The following CRNKL1 variants were observed in gnomAD, a reference collection of about 807,000 sequenced individuals.
CRNKL1 encodes crooked neck pre-mRNA splicing factor 1.
A neutral mutation model predicts 103.7 loss-of-function variants in CRNKL1; 35 were observed. That is an observed-to-expected ratio of 0.34 (90% confidence interval 0.26 to 0.45). The LOEUF (loss-of-function observed/expected upper bound fraction) is 0.45, where lower values mean the gene tolerates loss of function less well. Ranked by LOEUF, CRNKL1 falls within the 20% of genes least tolerant of loss-of-function variation. The pLI is 1.00. For synonymous variants in CRNKL1, 267 were observed against 282.6 expected (o/e 0.94, Z 0.55); for missense variants, 645 against 836.0 (o/e 0.77, Z 2.82).
intron 1 of CRNKL1, 71 bp downstream of exon 1, chr20:20,052,221 C>G: frequency 2.1e-5 from 28 of 1,353,906 alleles, no homozygotes; most frequent in Non-Finnish European, 2.8e-5. Flanking sequence ...TCTCCCAACC[C>G]GGGCACCCTC....
In CRNKL1 at chr20:20,049,420, A is replaced by G. The variant is rs771628421; in HGVS notation, c.216T>C (p.Asp72=). 3.8e-6 allele frequency: 6 copies of G among 1,589,562 alleles called. No homozygotes were observed. The highest frequency in any genetic ancestry group is 5.2e-6 in the Non-Finnish European group (6 of 1,162,176). ...YKLRKRKTFE[D]NIRKNRTVIS... is the part of the protein sequence containing the mutation. ...TCACAGTCCTGTTTTTTCTTATATT[A>G]TCTTCAAAAGTCTGGAAGAAGGCAA... is the stretch of plus-strand genomic sequence containing the variant. Residue 72 remains aspartate, a synonymous_variant, in exon 3 of 14, where the codon GAT becomes GAC. Transcript: ENST00000536226.
intron 1 of CRNKL1, among the ~76,000 whole-genome samples, chr20:20,051,822 CCT>C (rs1253365526): frequency 1.3e-5 from 2 of 152,304 alleles, no homozygotes; most frequent in Non-Finnish European, 2.9e-5. Flanking sequence ...TGGGCTAACT[CCT>C]ATTCAGCCTT....
At chr20:20,052,569 G>A (rs773755524), upstream of CRNKL1, 7 of 1,613,808 alleles carry the variant, frequency 4.3e-6, no homozygotes, top group Middle Eastern at 1.6e-4. Flanking sequence ...CGTGGAGTGC[G>A]GCGTCCTGGA....
At chr20:20,052,214 C>G (rs978273101) in intron 1 of CRNKL1, 78 bp downstream of exon 1, 6 of 1,308,064 alleles carry the variant, frequency 4.6e-6, no homozygotes, top group Non-Finnish European at 4.2e-6. Flanking sequence ...AACACTCTCT[C>G]CCAACCCGGG....
intron 6 of CRNKL1, among the ~76,000 whole-genome samples, chr20:20,045,090 C>G (rs748048934): frequency 1.3e-5 from 2 of 152,038 alleles, no homozygotes; most frequent in Non-Finnish European, 2.9e-5. Flanking sequence ...AAACAAAGCA[C>G]AATAAAATTA....
intron 5 of CRNKL1, among the ~76,000 whole-genome samples, chr20:20,046,510 C>G (rs906772744): frequency 1.3e-5 from 2 of 152,128 alleles, no homozygotes; most frequent in Non-Finnish European, 2.9e-5. Flanking sequence ...TTAGTCAATG[C>G]GAACACTTAA....
At chr20:20,055,970 C>G, upstream of CRNKL1, 2 of 1,610,960 alleles carry the variant, frequency 1.2e-6, no homozygotes, top group South Asian at 1.1e-5. Context: ...CAGCATTTCC[C>G]AAAGTGTCCT....
At chr20:20,039,969 C>T (rs915614628) in intron 10 of CRNKL1, 121 bp from the exon 11 acceptor site, 3 of 957,418 alleles carry the variant, frequency 3.1e-6, no homozygotes, top group Non-Finnish European at 4.7e-6. Context: ...ACATGGCCTA[C>T]CATTCTTTCC....
rs2043619953 is a variant in CRNKL1, at chr20:20,047,908, T to G, written c.479A>C (p.Glu160Ala). ...QFWYKYTYME[E>A]MLGNVAGARQ... ...GGCACCGGCAACGTTTCCCAACATT[T>G]CCTCCATGTACGTGTACTTGTACCT... The change falls in exon 5 of 14, where the codon GAA becomes GCA. Residue 160 changes from glutamate (E) to alanine (A), a missense_variant. Glu to Ala is a moderately radical substitution (Grantham distance 107). Coordinates refer to ENST00000536226, the MANE Select transcript of CRNKL1 (RefSeq NM_001278628.2). 1 of 1,614,094 alleles carries G rather than the reference T, an allele frequency of 6.2e-7. No homozygotes were observed. The highest frequency in any genetic ancestry group is 1.3e-5 in the African/African-American group (1 of 74,936).
At chr20:20,044,753 G>A (rs1429912599) in intron 6 of CRNKL1, among the ~76,000 whole-genome samples, 1 of 151,854 alleles carries the variant, frequency 6.6e-6, no homozygotes, top group Admixed American at 6.6e-5. Flanking sequence ...CCAAGTAGCT[G>A]GGACTGTAGG....
At chr20:20,037,596 C>G in intron 12 of CRNKL1, 25 bp from the exon 13 acceptor site, 1 of 1,602,248 alleles carries the variant, frequency 6.2e-7, no homozygotes, top group Non-Finnish European at 8.5e-7. Context: ...ATTATTGAAC[C>G]AAATTAACCA....
In CRNKL1 at chr20:20,045,334, C is replaced by G; in HGVS notation, c.775G>C (p.Ala259Pro). 6.2e-7 allele frequency: 1 copy of G among 1,610,480 alleles called. No homozygotes were observed. ...TCTTTCTGATTTTCTTCAAACTTGGCAAAGGCAACATAAAGGTGCTCATCC... is the reference window on the plus strand; with the variant it reads ...TCTTTCTGATTTTCTTCAAACTTGGGAAAGGCAACATAAAGGTGCTCATCC... ...HMDEHLYVAFAKFEENQKEFE... is the reference protein window; with the variant it reads ...HMDEHLYVAFPKFEENQKEFE... The change falls in exon 6 of 14, where the codon GCC becomes CCC. Residue 259 changes from alanine (A) to proline (P), a missense_variant. Physicochemically the swap from Ala to Pro is conservative, Grantham distance 27 (BLOSUM62 -1). Transcript: ENST00000536226.
intron 10 of CRNKL1, 47 bp downstream of exon 10, chr20:20,040,639 C>A: frequency 7.1e-7 from 1 of 1,411,022 alleles, no homozygotes. Flanking sequence ...ATTTTAATTT[C>A]TTTCTCATAG....
At chr20:20,051,528 C>G (rs2043731926) in intron 1 of CRNKL1, among the ~76,000 whole-genome samples, 2 of 152,126 alleles carry the variant, frequency 1.3e-5, no homozygotes, top group South Asian at 4.1e-4. Flanking sequence ...ATGGTGATAG[C>G]TCATATTTAA....
chr20:20,036,008 A>ATTTT lies in CRNKL1; in HGVS notation c.*186_*187insAAAA. On this transcript the variant is annotated 3_prime_UTR_variant, in exon 14 of 14. Transcript: ENST00000536226. ...TGGAAAAACAAATCCAGCAGTTAAA[A>ATTTT]AAGTCCTTTACTTGCAATCCCTACC... The ATTTT allele has an allele frequency of 1.7e-6, 1 of 582,262 alleles. No homozygotes were observed. Among genetic ancestry groups the ATTTT allele is most frequent in the Non-Finnish European group, 2.9e-6 (1 of 347,700 alleles). The allele number at this position is 582,262 out of a possible 1,614,324, so 36.1% of individuals were successfully genotyped here.
At position 20,045,461 on chromosome 20, in the gene CRNKL1, C is replaced by A. The variant is rs2043579326; in HGVS notation, c.648G>T (p.Lys216Asn). ...CAAAGCGGGCATACTTGATCCAGTT[C>A]TTAACATCAGGGTGCACGAGGACAA... ...ERFVLVHPDV[K>N]NWIKYARFEE... The change falls in exon 6 of 14, where the codon AAG becomes AAT. Residue 216 changes from lysine (K) to asparagine (N), a missense_variant. By Grantham distance (94) the Lys-to-Asn change is moderately conservative. Transcript: ENST00000536226. 6.2e-7 allele frequency: 1 copy of A among 1,611,356 alleles called. No individual in the cohort carries two copies. The highest frequency in any genetic ancestry group is 1.1e-5 in the South Asian group (1 of 90,794).
At chr20:20,038,617 C>A (rs2043461178) in intron 11 of CRNKL1, 167 bp from the exon 12 acceptor site, 1 of 478,218 alleles carries the variant, frequency 2.1e-6, no homozygotes. Flanking sequence ...TATCTATAAG[C>A]TGGCCAAAAC....
Position 20,043,507 on chromosome 20 carries a change from G to A in CRNKL1, c.957C>T (p.Tyr319=), listed in dbSNP as rs771053785. ...CAGTGCTCACCTTCACTTCTTCTTC[G>A]TACTGGAATCTCCGTTTGCTCACAA... ...DIIVSKRRFQ[Y]EEEVKANPHN... is the part of the protein sequence containing the mutation. The change falls in exon 7 of 14, where the codon TAC becomes TAT. Residue 319 remains tyrosine (Y), a synonymous_variant. Transcript: ENST00000536226. The A allele has an allele frequency of 2.9e-5, 46 of 1,613,624 alleles. No homozygotes were observed. Among genetic ancestry groups the A allele is most frequent in the South Asian group, 1.6e-4 (15 of 91,086 alleles).
chr20:20,054,409 A>G (rs370612385), upstream of CRNKL1, among the ~76,000 whole-genome samples: 27 of 149,118 alleles, frequency 1.8e-4, no homozygotes, highest in Non-Finnish European at 3.0e-4. Context: ...ATATATATAT[A>G]TATATACACA....
Sources: allele counts gnomAD v4.1 joint callset (sites outside exome capture counted in the v4.1 genomes callset), GRCh38; gene constraint gnomAD v4.1.1; transcripts MANE v1.5; gene names NCBI Gene and HGNC (gene_info 2026-07-23, HGNC 2026-07-21).